TFDP1: variants seen among roughly 807,000 people sequenced by gnomAD.
TFDP1 encodes the protein transcription factor Dp-1.
In TFDP1, 6 loss-of-function variants were observed where a neutral mutation model predicts 48.0. The ratio of observed to expected loss-of-function variants is 0.13; its 90% CI spans 0.07 to 0.25. The LOEUF (loss-of-function observed/expected upper bound fraction) is 0.25. Among genes scored for constraint, TFDP1 ranks in the 10% least tolerant of loss-of-function variants. The pLI is 1.00. For synonymous variants in TFDP1, 201 were observed against 211.6 expected (o/e 0.95, Z 0.44); for missense variants, 335 against 543.0 (o/e 0.62, Z 3.81).
chr13:113,603,131 G>A (rs1371675280), intron 2 of TFDP1, among the ~76,000 whole-genome samples: 1 of 152,234 alleles, frequency 6.6e-6, no homozygotes, highest in African/African-American at 2.4e-5. Context: ...CAGTAGATTA[G>A]AAAGTGCAGA....
chr13:113,603,155 G>A (rs913010043), intron 2 of TFDP1, among the ~76,000 whole-genome samples: 6 of 152,262 alleles, frequency 3.9e-5, no homozygotes, highest in Non-Finnish European at 5.9e-5. Context: ...GAGCAGGGCA[G>A]AGAAGGGTGA....
intron 2 of TFDP1, among the ~76,000 whole-genome samples, chr13:113,593,369 C>A (rs1290473748): frequency 8.0e-6 from 1 of 125,112 alleles, no homozygotes; most frequent in Non-Finnish European, 1.7e-5. Context: ...TGGGTCCTCA[C>A]CCTGCCCAGG....
chr13:113,597,715 C>T (rs765093031), intron 2 of TFDP1, among the ~76,000 whole-genome samples: 31 of 152,204 alleles, frequency 2.0e-4, no homozygotes, highest in African/African-American at 5.5e-4. Context: ...CAGGCCTGGG[C>T]GCTGTGTAAG....
At chr13:113,584,746 C>T (rs1256743585), upstream of TFDP1, 1 of 146,754 alleles carries the variant, frequency 6.8e-6, no homozygotes, top group Admixed American at 6.8e-5. Context: ...CCCCGCGTCC[C>T]GGCGCCACTC....
In TFDP1 at chr13:113,637,845, T is replaced by C. The variant is rs1183179801; in HGVS notation, c.1034T>C (p.Val345Ala). The change falls in exon 11 of 12, where the codon GTG becomes GCG. Residue 345 changes from valine (V) to alanine (A), a missense_variant. Transcript: ENST00000375370. ...ATGGCTCAGGGAACTGTTGGAGGCG[T>C]GTTCATCACGACGGCAGGTTCCACG... ...TEMAQGTVGG[V>A]FITTAGSTSN... is the part of the protein sequence containing the mutation. 2 of 1,614,224 alleles carry C rather than the reference T, an allele frequency of 1.2e-6. No individual in the cohort carries two copies. The highest frequency in any genetic ancestry group is 1.7e-5 in the Admixed American group (1 of 60,030).
At chr13:113,622,332 G>A (rs896986852) in intron 3 of TFDP1, among the ~76,000 whole-genome samples, 3 of 152,212 alleles carry the variant, frequency 2.0e-5, no homozygotes, top group Non-Finnish European at 4.4e-5. Context: ...CACCGACCCT[G>A]TGGGGCCGGT....
chr13:113,625,444 TCCTC>T (rs1294185109), intron 4 of TFDP1, among the ~76,000 whole-genome samples: 19 of 118,060 alleles, frequency 1.6e-4, no homozygotes, highest in African/African-American at 7.1e-4. Context: ...CTCTCACATG[TCCTC>T]AGGTGTCTCT....
intron 8 of TFDP1, among the ~76,000 whole-genome samples, chr13:113,634,953 A>C (rs4150802): frequency 6.6e-5 from 10 of 152,126 alleles, no homozygotes; most frequent in Non-Finnish European, 1.3e-4. Flanking sequence ...GTATGTGTGT[A>C]TCTCTCGTCA....
At chr13:113,625,771 TCTCTCACGTGTCCTCAGGC>T (rs1307387868) in intron 4 of TFDP1, among the ~76,000 whole-genome samples, 61 of 128,852 alleles carry the variant, frequency 4.7e-4, no homozygotes, top group Admixed American at 1.8e-3. Flanking sequence ...TCCTCAGGCG[TCTCTCACGTGTCCTCAGGC>T]GTCTCTCACG....
At chr13:113,631,437 C>A (rs1314090873) in intron 4 of TFDP1, among the ~76,000 whole-genome samples, 186 bp from the exon 5 acceptor site, 1 of 152,134 alleles carries the variant, frequency 6.6e-6, no homozygotes, top group Non-Finnish European at 1.5e-5. Context: ...ACATTCAGAA[C>A]CGGTGGGGTG....
chr13:113,639,671 C>T (rs190759776), intron 11 of TFDP1, among the ~76,000 whole-genome samples: 1 of 152,332 alleles, frequency 6.6e-6, no homozygotes, highest in Admixed American at 6.5e-5. Context: ...TGCTGCCAGC[C>T]CTCTGGGTTC....
chr13:113,613,990 G>A (rs531444020), intron 3 of TFDP1, among the ~76,000 whole-genome samples: 7 of 151,536 alleles, frequency 4.6e-5, no homozygotes, highest in Middle Eastern at 3.4e-3. Flanking sequence ...TGTTGTGAGT[G>A]TGCATGAGTT....
intron 8 of TFDP1, 42 bp downstream of exon 8, chr13:113,634,644 T>C: frequency 6.6e-7 from 1 of 1,515,186 alleles, no homozygotes; most frequent in Non-Finnish European, 9.1e-7. Context: ...AATTTTTATT[T>C]TACTAATTTA....
chr13:113,631,489 T>C (rs1256760510), intron 4 of TFDP1, 134 bp from the exon 5 acceptor site: 10 of 1,191,270 alleles, frequency 8.4e-6, no homozygotes, highest in Non-Finnish European at 1.1e-5. Flanking sequence ...TGGACGTTTT[T>C]CCTGCTCCGT....
rs559492926 is a variant in TFDP1 at position 113,607,510 on chromosome 13, C to T, written c.13-3486C>T. Among the ~76,000 whole-genome samples the T allele has an allele frequency of 9.2e-5, 14 of 152,320 alleles. No homozygotes were observed. Among genetic ancestry groups the T allele is most frequent in the South Asian group, 8.3e-4 (4 of 4,826 alleles). ...CGATGCCACGCTTGTGTCAGCAGTG[C>T]GACACTGGCCCACGTGTCGTCCTTG... On this transcript the variant is annotated intron_variant, in intron 2 of 11. Coordinates refer to ENST00000375370, the MANE Select transcript of TFDP1 (RefSeq NM_007111.5). This position sits in a 1 kb window ranked among gnomAD's most constrained non-coding sequence, Gnocchi z 5.2.
intron 2 of TFDP1, among the ~76,000 whole-genome samples, chr13:113,590,731 C>T (rs1166510266): frequency 1.3e-5 from 2 of 151,846 alleles, no homozygotes; most frequent in Non-Finnish European, 2.9e-5. Flanking sequence ...ATAGGTTGGG[C>T]CGGGCGCAGT....
At position 113,636,110 on chromosome 13, in the gene TFDP1, G is replaced by C; in HGVS notation, c.821G>C (p.Cys274Ser). The C allele has an allele frequency of 6.2e-7, 1 of 1,614,208 alleles. No homozygotes were observed. Among genetic ancestry groups the C allele is most frequent in the Non-Finnish European group, 8.5e-7 (1 of 1,180,034 alleles). ...ACCAGCAAGAAGACGGTCATCGACTGCAGCATCTCCAATGACAAGTAGGTT... is the reference window on the plus strand; with the variant it reads ...ACCAGCAAGAAGACGGTCATCGACTCCAGCATCTCCAATGACAAGTAGGTT... ...VNTSKKTVID[C>S]SISNDKFEYL... The change falls in exon 9 of 12, where the codon TGC becomes TCC. Residue 274 changes from cysteine to serine, a missense_variant. This residue lies in a region of TFDP1 where 204 missense variants were observed against 287.1 expected (regional missense o/e 0.71). Coordinates refer to ENST00000375370, the MANE Select transcript of TFDP1 (RefSeq NM_007111.5).
At chr13:113,585,890 C>G in intron 2 of TFDP1, 41 bp downstream of exon 2, 2 of 1,590,290 alleles carry the variant, frequency 1.3e-6, no homozygotes, top group Non-Finnish European at 1.7e-6. Context: ...ATGTTTGCCT[C>G]GCACTAAATT....
intron 2 of TFDP1, among the ~76,000 whole-genome samples, chr13:113,593,684 G>C (rs1594408493): frequency 8.7e-6 from 1 of 115,606 alleles, no homozygotes; most frequent in African/African-American, 3.4e-5. Context: ...GTCCTCAGCT[G>C]TGCCCAGGTG....
Sources: gnomAD v4.1 joint callset for allele counts (sites outside exome capture counted in the v4.1 genomes callset) on GRCh38, gnomAD v4.1.1 for gene constraint, gnomAD v4.1.1 regional missense constraint, Gnocchi (gnomAD v3.1) non-coding constraint, MANE v1.5 for transcripts, NCBI Gene and HGNC (gene_info 2026-07-23, HGNC 2026-07-21) for gene names.